Variants in MDGA2 observed in about 807,000 individuals in gnomAD.
The protein encoded by MDGA2 is MAM domain-containing glycosylphosphatidylinositol anchor protein 2.
Under a neutral mutation model 117.8 loss-of-function variants are expected in MDGA2, and 40 were observed. That is an observed-to-expected ratio of 0.34 (90% CI 0.26 to 0.44). The LOEUF is 0.44. Ranked by LOEUF, MDGA2 falls within the 20% of genes least tolerant of loss-of-function variation. MDGA2 has a pLI of 1.00. For synonymous variants in MDGA2, 452 were observed against 439.0 expected (o/e 1.03, Z -0.37); for missense variants, 1,123 against 1,250.6 (o/e 0.90, Z 1.54).
At chr14:47,415,785 G>C (rs1219002399) in intron 1 of MDGA2, among the ~76,000 whole-genome samples, 1 of 152,032 alleles carries the variant, frequency 6.6e-6, no homozygotes, top group South Asian at 2.1e-4. Flanking sequence ...TCTAGTGAGG[G>C]CCTCCTCCAG....
Position 47,456,901 on chromosome 14 carries a change from C to CAA in MDGA2, c.281-155353_281-155352dup, listed in dbSNP as rs542310063. Among the ~76,000 whole-genome samples the CAA allele has an allele frequency of 3.7e-3, 529 of 141,204 alleles. 1 individual carries two copies. Among genetic ancestry groups the CAA allele is most frequent in the Non-Finnish European group, 4.7e-3 (300 of 64,482 alleles). The allele number at this position is 141,204 out of a possible 152,430, so 92.6% of individuals were successfully genotyped here. The stretch of plus-strand genomic sequence containing the variant: ...TTAAGAGAAACACTTGGAGTATACT[C>CAA]AAAAAAAAAAACAAACCCTCATGCT... On this transcript the variant is annotated intron_variant, in intron 1 of 16. Coordinates refer to ENST00000399232, the MANE Select transcript of MDGA2 (RefSeq NM_001113498.3).
intron 1 of MDGA2, among the ~76,000 whole-genome samples, chr14:47,332,860 C>T (rs111250194): frequency 0.041 from 6,175 of 151,936 alleles, 170 homozygotes; most frequent in African/African-American, 0.076. Context: ...GCTCTATGTC[C>T]ATGTGTACAC....
chr14:47,124,896 A>G (rs2416026), intron 5 of MDGA2, among the ~76,000 whole-genome samples: 17,544 of 152,008 alleles, frequency 0.12, 1,159 homozygotes, highest in Admixed American at 0.12. Context: ...TAAACTTTTG[A>G]CCTCTAGACC....
At chr14:47,081,247 C>T (rs550918080) in intron 6 of MDGA2, among the ~76,000 whole-genome samples, 1 of 152,066 alleles carries the variant, frequency 6.6e-6, no homozygotes, top group Non-Finnish European at 1.5e-5. Context: ...ATACATTTTT[C>T]AAAAGTTCAT....
At chr14:47,323,469 AC>A (rs1890050891) in intron 1 of MDGA2, among the ~76,000 whole-genome samples, 1 of 151,692 alleles carries the variant, frequency 6.6e-6, no homozygotes. Context: ...CTACTAAAAA[AC>A]AAATTTAAAA....
intron 1 of MDGA2, among the ~76,000 whole-genome samples, chr14:47,530,375 A>G (rs1356479935): frequency 6.6e-6 from 1 of 152,160 alleles, no homozygotes; most frequent in Non-Finnish European, 1.5e-5. Flanking sequence ...GTTACTGCTG[A>G]TTAATATCTT....
intron 7 of MDGA2, among the ~76,000 whole-genome samples, chr14:47,047,843 A>T (rs1889318741): frequency 6.6e-6 from 1 of 151,922 alleles, no homozygotes; most frequent in South Asian, 2.1e-4. Context: ...CTATATAAAT[A>T]AATTTTATTG....
intron 5 of MDGA2, among the ~76,000 whole-genome samples, chr14:47,126,875 C>T (rs954296626): frequency 6.6e-6 from 1 of 152,072 alleles, no homozygotes; most frequent in African/African-American, 2.4e-5. Flanking sequence ...TTCTAGTATA[C>T]ATTGTTTCCA....
intron 5 of MDGA2, among the ~76,000 whole-genome samples, chr14:47,128,305 C>CTA (rs1882007474): frequency 1.3e-5 from 2 of 151,908 alleles, no homozygotes; most frequent in South Asian, 4.1e-4. Flanking sequence ...GATAAAAACA[C>CTA]TAAAGATTTT....
intron 3 of MDGA2, among the ~76,000 whole-genome samples, chr14:47,201,369 T>G (rs958589986): frequency 7.2e-5 from 11 of 152,164 alleles, no homozygotes; most frequent in African/African-American, 2.7e-4. Context: ...ATCTAGACCT[T>G]AGGATCACAC....
chr14:47,607,986 T>G (rs2138895503), intron 1 of MDGA2, among the ~76,000 whole-genome samples: 1 of 152,246 alleles, frequency 6.6e-6, no homozygotes, highest in East Asian at 1.9e-4. Flanking sequence ...TATTGTTTTT[T>G]CCTAATAATA....
At chr14:47,649,371 T>A (rs1473002271) in intron 1 of MDGA2, among the ~76,000 whole-genome samples, 1 of 152,240 alleles carries the variant, frequency 6.6e-6, no homozygotes, top group Non-Finnish European at 1.5e-5. Context: ...TCAGGCAAAC[T>A]GCTAAGTGCT....
In MDGA2 at chr14:47,674,624, G is replaced by A. The variant is rs368813393; in HGVS notation, c.173C>T (p.Thr58Ile). 1.6e-4 allele frequency: 247 copies of A among 1,537,124 alleles called. No homozygotes were observed. Among genetic ancestry groups the A allele is most frequent in the Non-Finnish European group, 2.1e-4 (236 of 1,134,456 alleles). ...AACATGAACATATCCAGCCCAGGGG[G>A]TACGCAACGGGACCTTCAGGAGGCC... ...AAGLLKVPLR[T>I]PWAGYVHVHV... Residue 58 changes from threonine (T) to isoleucine (I), a missense_variant, in exon 1 of 17, where the codon ACC (threonine) becomes ATC (isoleucine). By Grantham distance (89) the Thr-to-Ile change is moderately conservative. This residue lies in a region of MDGA2 where 233 missense variants were observed against 200.3 expected (regional missense o/e 1.16). Coordinates refer to ENST00000399232, the MANE Select transcript of MDGA2 (RefSeq NM_001113498.3).
chr14:47,462,373 C>CT lies in MDGA2; in HGVS notation c.281-160824_281-160823insA, dbSNP rs1491451069. 3.3e-3 allele frequency among the ~76,000 whole-genome samples: 276 copies of CT among 84,466 alleles called. 10 individuals are homozygous for CT. The highest frequency in any genetic ancestry group is 8.6e-3 in the East Asian group (16 of 1,862). 55.4% of individuals were successfully genotyped at this position (84,466 alleles called of 152,430 possible). A position where few individuals can be genotyped will look rare whatever the true frequency, so the allele number is the denominator to read the frequency against. ...CCTGGGCGACAGAGAGAGACTCCGTCCCAAAAAAAAAAAAAAAAAGAAAGA... is the reference window on the plus strand; with the variant it reads ...CCTGGGCGACAGAGAGAGACTCCGTCTCCAAAAAAAAAAAAAAAAAGAAAGA... On this transcript the variant is annotated intron_variant, in intron 1 of 16. Transcript: ENST00000399232.
At chr14:47,544,820 T>G (rs2057173) in intron 1 of MDGA2, among the ~76,000 whole-genome samples, 1 of 152,096 alleles carries the variant, frequency 6.6e-6, no homozygotes, top group East Asian at 1.9e-4. Flanking sequence ...ACCATGACAG[T>G]AATATTACAG....
At chr14:47,136,299 C>A (rs919454251) in intron 4 of MDGA2, among the ~76,000 whole-genome samples, 2 of 150,836 alleles carry the variant, frequency 1.3e-5, no homozygotes, top group Non-Finnish European at 2.9e-5. Context: ...CAGGTTCAAG[C>A]GATTCCCATG....
intron 3 of MDGA2, among the ~76,000 whole-genome samples, chr14:47,193,564 C>T (rs1442332475): frequency 6.6e-6 from 1 of 152,096 alleles, no homozygotes; most frequent in Non-Finnish European, 1.5e-5. Flanking sequence ...ATGGGGAAGT[C>T]ATGGTTCTCA....
chr14:47,475,691 C>T (rs910370509), intron 1 of MDGA2, among the ~76,000 whole-genome samples: 1 of 152,078 alleles, frequency 6.6e-6, no homozygotes, highest in Non-Finnish European at 1.5e-5. Context: ...AGATGGAGCT[C>T]GAAGCCATTA....
At chr14:47,249,093 C>CTGCAACCT (rs1418658458) in intron 2 of MDGA2, among the ~76,000 whole-genome samples, 7 of 151,558 alleles carry the variant, frequency 4.6e-5, no homozygotes, top group Non-Finnish European at 1.0e-4. Context: ...TCTCGGCTCA[C>CTGCAACCT]TGCAACCTCC....
Sources: gnomAD v4.1 joint callset for allele counts (sites outside exome capture counted in the v4.1 genomes callset) on GRCh38, gnomAD v4.1.1 for gene constraint, gnomAD v4.1.1 regional missense constraint, MANE v1.5 for transcripts, NCBI Gene and HGNC (gene_info 2026-07-23, HGNC 2026-07-21) for gene names.